SIK3: variants seen among roughly 807,000 people sequenced by gnomAD.
The protein encoded by SIK3 is serine/threonine-protein kinase SIK3.
Under a neutral mutation model 144.2 loss-of-function variants are expected in SIK3, and 28 were observed. The observed-to-expected ratio is 0.19, with a 90% CI of 0.14 to 0.27. SIK3 has a LOEUF of 0.27. SIK3 is among the 10% of genes least tolerant of loss of function. The pLI is 1.00. For synonymous variants in SIK3, 686 were observed against 676.3 expected, an observed-to-expected ratio of 1.01 and a Z score of -0.22; for missense variants, 1,319 against 1,776.0, an observed-to-expected ratio of 0.74 and a Z score of 4.62.
chr11:117,013,972 C>CTTTTCTTTTTTTTTTTTT (rs1951409266), intron 1 of SIK3, among the ~76,000 whole-genome samples: 1 of 27,058 alleles, frequency 3.7e-5, no homozygotes, highest in African/African-American at 1.1e-4. Flanking sequence ...TTTTTCTTTT[C>CTTTTCTTTTTTTTTTTTT]TTTTTTTTTT....
At chr11:116,904,923 A>C (rs1257546255) in intron 4 of SIK3, 1 of 167,138 alleles carries the variant, frequency 6.0e-6, no homozygotes, top group Non-Finnish European at 1.5e-5. Flanking sequence ...TCACGCATTG[A>C]AAGTGTAATG....
intron 6 of SIK3, among the ~76,000 whole-genome samples, chr11:116,892,927 T>C (rs1440874189): frequency 2.0e-5 from 3 of 152,190 alleles, no homozygotes; most frequent in African/African-American, 4.8e-5. Context: ...AGGAACCTTA[T>C]TGCATATTAC....
chr11:117,012,337 T>C (rs1308683115), intron 1 of SIK3, among the ~76,000 whole-genome samples: 1 of 152,150 alleles, frequency 6.6e-6, no homozygotes, highest in Non-Finnish European at 1.5e-5. Flanking sequence ...ACCATTATAT[T>C]GGAGCATAGA....
intron 1 of SIK3, among the ~76,000 whole-genome samples, chr11:117,013,634 A>G (rs1318857550): frequency 2.0e-5 from 3 of 152,068 alleles, no homozygotes; most frequent in Non-Finnish European, 4.4e-5. Context: ...AAAAGCAAAG[A>G]TATTTTATTT....
chr11:117,036,080 G>A (rs913988841), intron 1 of SIK3: 50 of 852,004 alleles, frequency 5.9e-5, no homozygotes, highest in East Asian at 3.2e-4. Context: ...CATCACCGCC[G>A]GAAAGGTTAA....
At chr11:116,862,453 G>A in intron 16 of SIK3, 126 bp from the exon 17 acceptor site, 1 of 1,195,918 alleles carries the variant, frequency 8.4e-7, no homozygotes, top group Non-Finnish European at 1.2e-6. Flanking sequence ...CAGTGTCCTT[G>A]ATGAGCAATT....
rs1941856527 is a variant in SIK3 at position 116,845,288 on chromosome 11, A to T, written c.*355T>A. ...AGGAACGAAAGAAAAAAAAGAAAGGAAGAAAAAAAAGAAAGTATATCACCT... is the reference window on the plus strand; with the variant it reads ...AGGAACGAAAGAAAAAAAAGAAAGGTAGAAAAAAAAGAAAGTATATCACCT... On this transcript the variant is annotated 3_prime_UTR_variant, in exon 25 of 25. Coordinates refer to ENST00000445177, the MANE Select transcript of SIK3 (RefSeq NM_001366686.3). 7.0e-6 allele frequency: 1 copy of T among 143,110 alleles called. No homozygotes were observed. Among genetic ancestry groups the T allele is most frequent in the Non-Finnish European group, 1.5e-5 (1 of 67,938 alleles). The allele number at this position is 143,110 out of a possible 1,614,324, so 8.9% of individuals were successfully genotyped here.
chr11:116,903,135 C>T (rs1370431646), intron 4 of SIK3, among the ~76,000 whole-genome samples: 2 of 152,174 alleles, frequency 1.3e-5, no homozygotes, highest in South Asian at 2.1e-4. Context: ...TTACCATGTA[C>T]TAAATCTGGA....
chr11:117,075,025 G>A (rs938716964), intron 1 of SIK3, among the ~76,000 whole-genome samples: 7 of 151,814 alleles, frequency 4.6e-5, no homozygotes, highest in South Asian at 4.2e-4. Flanking sequence ...CATTAGATAC[G>A]AGAGTGAAAA....
chr11:116,983,201 T>A (rs1276935398), intron 1 of SIK3, among the ~76,000 whole-genome samples: 2 of 143,484 alleles, frequency 1.4e-5, no homozygotes, highest in Non-Finnish European at 3.0e-5. Flanking sequence ...CACACCAGCC[T>A]GGGCGACAGA....
intron 3 of SIK3, among the ~76,000 whole-genome samples, chr11:116,953,601 T>C (rs1180962945): frequency 6.6e-6 from 1 of 152,188 alleles, no homozygotes; most frequent in Non-Finnish European, 1.5e-5. Flanking sequence ...TGGTAAATAA[T>C]ATAGTTACAT....
intron 1 of SIK3, among the ~76,000 whole-genome samples, chr11:117,065,759 A>G (rs1953982610): frequency 6.6e-6 from 1 of 151,610 alleles, no homozygotes; most frequent in African/African-American, 2.4e-5. Flanking sequence ...CCACCCTAGT[A>G]GCTGGTATTA....
intron 1 of SIK3, among the ~76,000 whole-genome samples, chr11:116,989,640 TA>T (rs763545683): frequency 1.3e-5 from 2 of 152,056 alleles, no homozygotes; most frequent in Non-Finnish European, 2.9e-5. Context: ...TTGGAAAAAT[TA>T]AAATGAAAAA....
At chr11:117,006,330 C>T (rs1204236104) in intron 1 of SIK3, among the ~76,000 whole-genome samples, 1 of 152,182 alleles carries the variant, frequency 6.6e-6, no homozygotes, top group African/African-American at 2.4e-5. Flanking sequence ...CCATATCTAC[C>T]CAACAGCAGA....
chr11:116,946,138 T>C (rs1018930559), intron 3 of SIK3, among the ~76,000 whole-genome samples: 4 of 152,228 alleles, frequency 2.6e-5, no homozygotes, highest in African/African-American at 9.6e-5. Context: ...TCCATATCAA[T>C]TATTTTCAAA....
chr11:116,938,299 G>A (rs868730682), intron 3 of SIK3, among the ~76,000 whole-genome samples: 3 of 38,972 alleles, frequency 7.7e-5, no homozygotes, highest in Non-Finnish European at 1.1e-4. Context: ...GGAGAGGAGA[G>A]GAGAAGAGAA....
At chr11:116,963,498 A>G (rs1442467451) in intron 1 of SIK3, among the ~76,000 whole-genome samples, 2 of 152,260 alleles carry the variant, frequency 1.3e-5, no homozygotes, top group Non-Finnish European at 2.9e-5. Context: ...CATACATAGC[A>G]TAGTCTCTGG....
rs1249315422 is a variant in SIK3 at position 116,863,664 on chromosome 11, T to C, written c.2103+4A>G. ...CCAGGGATGCCTGCCACCTCTTCCA[T>C]TACCTGCTGCAGCTGTTTGATGCTG... On this transcript the variant is annotated splice_donor_region_variant and intron_variant, in intron 16 of 24. Coordinates refer to ENST00000445177, the MANE Select transcript of SIK3 (RefSeq NM_001366686.3). 6.2e-7 allele frequency: 1 copy of C among 1,614,044 alleles called. No individual in the cohort carries two copies. Among genetic ancestry groups the C allele is most frequent in the East Asian group, 2.2e-5 (1 of 44,882 alleles).
intron 1 of SIK3, among the ~76,000 whole-genome samples, chr11:117,056,560 TATAGATATAG>T (rs2135936530): frequency 1.8e-5 from 2 of 110,224 alleles, no homozygotes; most frequent in South Asian, 5.4e-4. Flanking sequence ...TAGATATAGA[TATAGATATAG>T]ATATAGATAT....
Sources: allele counts gnomAD v4.1 joint callset (sites outside exome capture counted in the v4.1 genomes callset), GRCh38; gene constraint gnomAD v4.1.1; transcripts MANE v1.5; gene names NCBI Gene and HGNC (gene_info 2026-07-23, HGNC 2026-07-21).